AGFG2: variants seen among roughly 807,000 people sequenced by gnomAD.
AGFG2 encodes arf-GAP domain and FG repeat-containing protein 2.
Under a neutral mutation model 48.0 loss-of-function variants are expected in AGFG2, and 31 were observed. That is an observed-to-expected ratio of 0.65 (90% confidence interval 0.49 to 0.87). The LOEUF (loss-of-function observed/expected upper bound fraction) is 0.87. Among genes scored for constraint, AGFG2 ranks in the 40% least tolerant of loss-of-function variants. AGFG2 has a pLI of 0.00. For missense variants in AGFG2, 599 were observed against 632.6 expected (o/e 0.95, Z 0.57); for synonymous variants, 229 against 260.8 (o/e 0.88, Z 1.18).
In AGFG2 at chr7:100,554,778, GA is replaced by G. The variant is rs537501185; in HGVS notation, c.751+530del. Among the ~76,000 whole-genome samples, 807 of 147,768 alleles carry G rather than the reference GA, an allele frequency of 5.5e-3. 3 individuals are homozygous for G. Among genetic ancestry groups the G allele is most frequent in the Non-Finnish European group, 7.5e-3 (502 of 66,618 alleles). ...GGTGAAACCTCATCTCTACTAAAAA[GA>G]AAAAAAAAATTAGCCAAGTGTGGTG... On this transcript the variant is annotated intron_variant, in intron 5 of 11. Transcript: ENST00000300176.
At chr7:100,563,074 GC>G in intron 9 of AGFG2, 128 bp downstream of exon 9, 1 of 978,014 alleles carries the variant, frequency 1.0e-6, no homozygotes. Context: ...TTCTTCCCCT[GC>G]CCACACGGTG....
intron 6 of AGFG2, chr7:100,556,571 C>G: frequency 1.6e-6 from 2 of 1,288,670 alleles, no homozygotes; most frequent in Non-Finnish European, 2.0e-6. Flanking sequence ...ACCCACCCTT[C>G]TCTTCTCCAC....
At chr7:100,556,768 A>G in intron 6 of AGFG2, 1 of 574,236 alleles carries the variant, frequency 1.7e-6, no homozygotes, top group Non-Finnish European at 2.7e-6. Flanking sequence ...CCACAGAGCG[A>G]CCAAGCTGAG....
chr7:100,541,010 C>CAA (rs11353093), intron 1 of AGFG2, among the ~76,000 whole-genome samples: 103 of 75,416 alleles, frequency 1.4e-3, no homozygotes, highest in African/African-American at 1.9e-3. Flanking sequence ...GACACTGTCT[C>CAA]AAAAAAAAAA....
rs1319838880 is a variant in AGFG2 at position 100,560,812 on chromosome 7, T to TTTC, written c.878-1445_878-1444insCTT. ...CCTGGCATGTGGAAGATCTCCCTTTTTTTTTTTTTTTTTTTTTGAGACGGA... is the reference window on the plus strand; with the variant it reads ...CCTGGCATGTGGAAGATCTCCCTTTTTTCTTTTTTTTTTTTTTTTTGAGACGGA... On this transcript the variant is annotated intron_variant, in intron 6 of 11. Transcript: ENST00000300176. Among the ~76,000 whole-genome samples, 491 of 143,864 alleles carry TTTC rather than the reference T, an allele frequency of 3.4e-3. 3 individuals carry two copies. The highest frequency in any genetic ancestry group is 5.5e-3 in the Non-Finnish European group (362 of 65,474). 94.4% of individuals were successfully genotyped at this position (143,864 alleles called of 152,430 possible).
At chr7:100,545,876 T>C (rs1800500935) in intron 1 of AGFG2, among the ~76,000 whole-genome samples, 1 of 152,158 alleles carries the variant, frequency 6.6e-6, no homozygotes, top group Non-Finnish European at 1.5e-5. Context: ...AATTGCTTCT[T>C]TTGGCCAGCA....
chr7:100,539,221 C>A lies in AGFG2; in HGVS notation c.-126C>A. Reference sequence around the variant, plus strand: ...GGAGGGTGGTGGACGGCGAAGTCTCCTGCGGATGCCGCCCGCTCCCGAGCT... The same window carrying A: ...GGAGGGTGGTGGACGGCGAAGTCTCATGCGGATGCCGCCCGCTCCCGAGCT... On this transcript the variant is annotated 5_prime_UTR_variant, in exon 1 of 12. In the 5' UTR this introduces an upstream ATG that the reference lacks. Transcript: ENST00000300176. The A allele has an allele frequency of 1.0e-6, 1 of 1,000,152 alleles. No individual in the cohort carries two copies. The highest frequency in any genetic ancestry group is 1.3e-6 in the Non-Finnish European group (1 of 765,942). 62.0% of individuals were successfully genotyped at this position (1,000,152 alleles called of 1,614,324 possible).
At chr7:100,564,131 A>G (rs1269477705) in intron 10 of AGFG2, 87 bp from the exon 11 acceptor site, 2 of 1,535,762 alleles carry the variant, frequency 1.3e-6, no homozygotes, top group African/African-American at 2.7e-5. Context: ...CTGTTCCCTT[A>G]CTCCCCCAGT....
At chr7:100,545,900 G>A (rs935227331) in intron 1 of AGFG2, among the ~76,000 whole-genome samples, 2 of 152,126 alleles carry the variant, frequency 1.3e-5, no homozygotes, top group Non-Finnish European at 1.5e-5. Context: ...GCCTCTCTGT[G>A]ATTCAGAAAG....
intron 5 of AGFG2, among the ~76,000 whole-genome samples, chr7:100,555,263 GTTTTTTTTTTTTTT>G (rs1166680394): frequency 1.3e-5 from 1 of 75,148 alleles, no homozygotes; most frequent in Non-Finnish European, 2.5e-5. Context: ...TGTGTGTGTG[GTTTTTTTTTTTTTT>G]TTTTTTTTTT....
chr7:100,560,666 CAGTG>C (rs1282804793), intron 6 of AGFG2, among the ~76,000 whole-genome samples: 2 of 152,172 alleles, frequency 1.3e-5, no homozygotes, highest in African/African-American at 2.4e-5. Flanking sequence ...TGCCGACACT[CAGTG>C]AGAGGGAGCG....
chr7:100,553,307 T>G, intron 3 of AGFG2, 40 bp from the exon 4 acceptor site: 1 of 1,612,648 alleles, frequency 6.2e-7, no homozygotes, highest in Non-Finnish European at 8.5e-7. Context: ...GGTCCAAAGT[T>G]TTATCCCTCT....
intron 2 of AGFG2, 122 bp downstream of exon 2, chr7:100,549,037 G>A: frequency 1.3e-6 from 1 of 750,818 alleles, no homozygotes; most frequent in South Asian, 1.6e-5. Context: ...TTTTTCATAT[G>A]TATGATTTCT....
At position 100,553,956 on chromosome 7, in the gene AGFG2, G is replaced by A. The variant is rs1800702453; in HGVS notation, c.586-137G>A. On this transcript the variant is annotated intron_variant, in intron 4 of 11. Coordinates refer to ENST00000300176, the MANE Select transcript of AGFG2 (RefSeq NM_006076.5). ...GAGGGGCTAAGGCAGCTCCTGCCCA[G>A]GAATCTTCTAGGTTGAGGGCAGTTA... The A allele has an allele frequency of 2.8e-6, 3 of 1,059,760 alleles. No homozygotes were observed. In the South Asian group the frequency reaches 5.1e-5, roughly 18 times the overall value. 65.6% of individuals were successfully genotyped at this position (1,059,760 alleles called of 1,614,324 possible). A position where few individuals can be genotyped will look rare whatever the true frequency, so the allele number is the denominator to read the frequency against.
At chr7:100,554,364 A>G (rs1432943503) in intron 5 of AGFG2, 106 bp downstream of exon 5, 4 of 1,351,100 alleles carry the variant, frequency 3.0e-6, no homozygotes, top group Admixed American at 2.8e-5. Flanking sequence ...CATGCAAACA[A>G]ATGTGAGGGT....
Position 100,562,385 on chromosome 7 carries a change from T to C in AGFG2, c.998+6T>C, listed in dbSNP as rs747373764. On this transcript the variant is annotated splice_donor_region_variant and intron_variant, in intron 7 of 11. Transcript: ENST00000300176. This position sits in a 1 kb window ranked among gnomAD's most constrained non-coding sequence, Gnocchi z 5.4. Reference sequence around the variant, plus strand: ...GCTGCAGGTGTTCCTAGCAGGTAGGTACAGACAGTGGGCAGTCTGCTGTAG... The same window carrying C: ...GCTGCAGGTGTTCCTAGCAGGTAGGCACAGACAGTGGGCAGTCTGCTGTAG... 1 of 1,613,284 alleles carries C rather than the reference T, an allele frequency of 6.2e-7. No homozygotes were observed. The highest frequency in any genetic ancestry group is 1.1e-5 in the South Asian group (1 of 91,036).
intron 3 of AGFG2, among the ~76,000 whole-genome samples, chr7:100,552,415 C>A (rs73154898): frequency 6.6e-6 from 1 of 152,126 alleles, no homozygotes; most frequent in Non-Finnish European, 1.5e-5. Flanking sequence ...TTGAGTGTCC[C>A]GTCCTCTGAT....
intron 1 of AGFG2, among the ~76,000 whole-genome samples, chr7:100,546,115 C>A (rs73407314): frequency 0.025 from 3,789 of 152,100 alleles, 169 homozygotes; most frequent in African/African-American, 0.088. Flanking sequence ...GCACCTAAAT[C>A]ATTTCTTATT....
At chr7:100,551,055 TA>T (rs1800626479) in intron 3 of AGFG2, among the ~76,000 whole-genome samples, 4 of 87,894 alleles carry the variant, frequency 4.6e-5, no homozygotes, top group African/African-American at 1.6e-4. Flanking sequence ...TATATATATA[TA>T]TATATATATA....
Sources: gnomAD v4.1 joint callset for allele counts (sites outside exome capture counted in the v4.1 genomes callset) on GRCh38, gnomAD v4.1.1 for gene constraint, Gnocchi (gnomAD v3.1) non-coding constraint, MANE v1.5 for transcripts, NCBI Gene and HGNC (gene_info 2026-07-23, HGNC 2026-07-21) for gene names.